The following SIL1 variants were observed in gnomAD, a reference collection of about 807,000 sequenced individuals.
SIL1 encodes the protein SIL1 nucleotide exchange factor.
SIL1 carries 40 observed loss-of-function variants against 49.1 expected under a neutral mutation model. The observed-to-expected ratio is 0.81, with a 90% confidence interval of 0.63 to 1.06. The LOEUF is 1.06. Among genes scored for constraint, SIL1 ranks in the 50% least tolerant of loss-of-function variants. The pLI, the probability that SIL1 is intolerant of heterozygous loss-of-function variation, is 0.00. For synonymous variants in SIL1, 253 were observed against 250.8 expected (o/e 1.01, Z -0.08); for missense variants, 500 against 572.6 (o/e 0.87, Z 1.29).
chr5:139,168,985 A>C (rs1403772774), intron 1 of SIL1, among the ~76,000 whole-genome samples: 3 of 151,662 alleles, frequency 2.0e-5, no homozygotes. Context: ...CTGAATTTTT[A>C]AAGGCAACTA....
intron 1 of SIL1, among the ~76,000 whole-genome samples, chr5:139,171,049 G>C (rs960753477): frequency 6.7e-6 from 1 of 148,696 alleles, no homozygotes; most frequent in African/African-American, 2.5e-5. Flanking sequence ...CCCTCTGCCC[G>C]GCCAGCTGCC....
intron 3 of SIL1, among the ~76,000 whole-genome samples, chr5:139,115,344 C>T (rs1414205617): frequency 6.6e-6 from 1 of 152,138 alleles, no homozygotes; most frequent in Non-Finnish European, 1.5e-5. Flanking sequence ...TTATTCCTAC[C>T]AAACCCCTTT....
At chr5:139,158,273 A>T (rs13156063) in intron 1 of SIL1, among the ~76,000 whole-genome samples, 1 of 152,098 alleles carries the variant, frequency 6.6e-6, no homozygotes, top group Non-Finnish European at 1.5e-5. Context: ...GGGAAAGTTA[A>T]TAGTGTAAGC....
chr5:139,104,923 A>G (rs1379656817), intron 3 of SIL1, among the ~76,000 whole-genome samples: 1 of 152,174 alleles, frequency 6.6e-6, no homozygotes, highest in Non-Finnish European at 1.5e-5. Context: ...ACAGATACTG[A>G]AGGCCAATCC....
intron 3 of SIL1, among the ~76,000 whole-genome samples, chr5:139,067,667 A>G (rs181173194): frequency 4.6e-5 from 7 of 152,370 alleles, no homozygotes; most frequent in Admixed American, 3.3e-4. Context: ...CTCAAAACAC[A>G]TACATAAACA....
chr5:139,076,339 G>A (rs1769947492), intron 3 of SIL1, among the ~76,000 whole-genome samples: 1 of 152,158 alleles, frequency 6.6e-6, no homozygotes, highest in African/African-American at 2.4e-5. Flanking sequence ...ACTCTGGTAT[G>A]TGTACATTTC....
At chr5:138,954,123 A>G (rs1298618401) in intron 7 of SIL1, among the ~76,000 whole-genome samples, 1 of 152,242 alleles carries the variant, frequency 6.6e-6, no homozygotes, top group Non-Finnish European at 1.5e-5. Flanking sequence ...CCAAGCCAGC[A>G]GCAGCCCAGT....
intron 1 of SIL1, among the ~76,000 whole-genome samples, chr5:139,171,232 G>A (rs1207401837): frequency 6.6e-6 from 1 of 152,214 alleles, no homozygotes; most frequent in South Asian, 2.1e-4. Context: ...GGGCCGGGAT[G>A]ACAATGGCGG....
intron 3 of SIL1, among the ~76,000 whole-genome samples, chr5:139,107,091 G>A (rs1347438038): frequency 6.6e-6 from 1 of 152,204 alleles, no homozygotes; most frequent in Non-Finnish European, 1.5e-5. Context: ...GTTGCTGTAT[G>A]GCCCCGCTGC....
At chr5:139,038,501 T>C (rs1162188121) in intron 5 of SIL1, among the ~76,000 whole-genome samples, 3 of 152,232 alleles carry the variant, frequency 2.0e-5, no homozygotes, top group South Asian at 2.1e-4. Context: ...TTCCACACTA[T>C]AGTTCAGTTC....
At chr5:139,009,538 A>T in intron 7 of SIL1, among the ~76,000 whole-genome samples, 2 of 122,844 alleles carry the variant, frequency 1.6e-5, no homozygotes, top group African/African-American at 3.1e-5. Context: ...TCGTTAGTTG[A>T]TGCAGTTTCT....
chr5:139,065,986 G>A (rs1364515526), intron 3 of SIL1, among the ~76,000 whole-genome samples: 1 of 152,144 alleles, frequency 6.6e-6, no homozygotes, highest in Non-Finnish European at 1.5e-5. Context: ...AAAAGAGAAG[G>A]CAAATCCCTC....
chr5:139,033,585 T>C (rs1768840573), intron 5 of SIL1, among the ~76,000 whole-genome samples: 1 of 152,016 alleles, frequency 6.6e-6, no homozygotes, highest in South Asian at 2.1e-4. Flanking sequence ...TATCTTTTTT[T>C]TTTAACCTCC....
At chr5:139,127,131 C>G (rs1462141419) in intron 2 of SIL1, among the ~76,000 whole-genome samples, 1 of 152,106 alleles carries the variant, frequency 6.6e-6, no homozygotes. Context: ...GCAGTAAGCT[C>G]TAGGTTAATG....
At chr5:139,195,282 C>A (rs1752245230) in intron 1 of SIL1, among the ~76,000 whole-genome samples, 1 of 152,156 alleles carries the variant, frequency 6.6e-6, no homozygotes, top group Admixed American at 6.5e-5. Context: ...AATCTTCATT[C>A]TTTGAGGGTG....
At chr5:139,165,115 G>A (rs796955918) in intron 1 of SIL1, among the ~76,000 whole-genome samples, 1 of 152,136 alleles carries the variant, frequency 6.6e-6, no homozygotes, top group African/African-American at 2.4e-5. Flanking sequence ...TTTTAGGTCC[G>A]ATAAGAAACA....
At chr5:138,956,552 T>C (rs1317433673) in intron 7 of SIL1, among the ~76,000 whole-genome samples, 1 of 152,120 alleles carries the variant, frequency 6.6e-6, no homozygotes. Context: ...AAGACTAGTC[T>C]GGCCAACATG....
rs373985184 is a variant in SIL1 at position 139,033,548 on chromosome 5, G to A, written c.454-6556C>T. Reference sequence around the variant, plus strand: ...TGGATCCTGCAAATTTTGATAAAGTGCATTTTCATTTTTAATCAGTTCAAT... The same window carrying A: ...TGGATCCTGCAAATTTTGATAAAGTACATTTTCATTTTTAATCAGTTCAAT... On this transcript the variant is annotated intron_variant, in intron 5 of 9. Transcript: ENST00000394817. 7.9e-5 allele frequency among the ~76,000 whole-genome samples: 12 copies of A among 151,452 alleles called. No individual in the cohort carries two copies. The South Asian group carries it at 2.5e-3, about 32-fold the overall frequency.
intron 7 of SIL1, among the ~76,000 whole-genome samples, chr5:138,966,311 G>A (rs1767136977): frequency 6.6e-6 from 1 of 152,128 alleles, no homozygotes; most frequent in Non-Finnish European, 1.5e-5. Context: ...ACCCAGGGCT[G>A]GGCAGTGAAA....
Sources: gnomAD v4.1 joint callset for allele counts (sites outside exome capture counted in the v4.1 genomes callset) on GRCh38, gnomAD v4.1.1 for gene constraint, MANE v1.5 for transcripts, NCBI Gene and HGNC (gene_info 2026-07-23, HGNC 2026-07-21) for gene names.